PCDHGA2: variants seen among roughly 807,000 people sequenced by gnomAD.
The protein encoded by PCDHGA2 is protocadherin gamma-A2.
A neutral mutation model predicts 59.2 loss-of-function variants in PCDHGA2; 40 were observed. The observed-to-expected ratio is 0.68, with a 90% CI of 0.52 to 0.88. PCDHGA2 has a LOEUF of 0.88. PCDHGA2 is among the 40% of genes least tolerant of loss of function. PCDHGA2 has a pLI of 0.00. For synonymous variants in PCDHGA2, 560 were observed against 526.0 expected (o/e 1.06, Z -0.89); for missense variants, 1,226 against 1,204.0 (o/e 1.02, Z -0.27).
intron 1 of PCDHGA2, chr5:141,409,189 C>T (rs1216028242): frequency 6.2e-7 from 1 of 1,613,918 alleles, no homozygotes; most frequent in Admixed American, 1.7e-5. Flanking sequence ...GTCTCTCTAC[C>T]CAGTGTAAAG....
intron 1 of PCDHGA2, chr5:141,394,156 AC>A (rs2092929687): frequency 6.2e-7 from 1 of 1,613,556 alleles, no homozygotes; most frequent in Admixed American, 1.7e-5. Flanking sequence ...ATTAACGACA[AC>A]CCTCCTACTT....
chr5:141,344,748 C>T (rs1004554278), intron 1 of PCDHGA2: 2 of 1,613,884 alleles, frequency 1.2e-6, no homozygotes, highest in African/African-American at 2.7e-5. Context: ...AAATGACAAC[C>T]CACCAATGTT....
At chr5:141,374,378 A>ACCCCCC (rs1425489237) in intron 1 of PCDHGA2, 1 of 1,614,038 alleles carries the variant, frequency 6.2e-7, no homozygotes, top group Admixed American at 1.7e-5. Context: ...CTGTGCTCAG[A>ACCCCCC]GCCCGCGGTG....
Position 141,432,072 on chromosome 5 carries a change from T to C in PCDHGA2, c.2425-62735T>C, listed in dbSNP as rs1236871982. The C allele has an allele frequency of 6.2e-7, 1 of 1,614,178 alleles. No homozygotes were observed. The highest frequency in any genetic ancestry group is 8.5e-7 in the Non-Finnish European group (1 of 1,180,032). On this transcript the variant is annotated intron_variant, in intron 1 of 3. Coordinates refer to ENST00000394576, the MANE Select transcript of PCDHGA2 (RefSeq NM_018915.4). This position sits in a 1 kb window ranked among gnomAD's most constrained non-coding sequence, Gnocchi z 6.0. ...CCGCCCCTATCCACGGAAACTCATA[T>C]CTCGCTGAACGTGGCAGACACCAAC...
intron 1 of PCDHGA2, among the ~76,000 whole-genome samples, chr5:141,460,804 T>C (rs2098998238): frequency 1.3e-5 from 2 of 152,020 alleles, no homozygotes; most frequent in African/African-American, 4.8e-5. Flanking sequence ...AGTATATATA[T>C]GTATGTATAC....
chr5:141,374,125 C>A, intron 1 of PCDHGA2: 1 of 1,602,448 alleles, frequency 6.2e-7, no homozygotes, highest in East Asian at 2.2e-5. Flanking sequence ...GCGAGCAGGT[C>A]CTGCTCCTCA....
intron 1 of PCDHGA2, among the ~76,000 whole-genome samples, chr5:141,488,541 T>C (rs2099676694): frequency 6.6e-6 from 1 of 152,184 alleles, no homozygotes; most frequent in South Asian, 2.1e-4. Flanking sequence ...CTAAGTCCCA[T>C]GTCAGCTGAC....
rs2099402935 is a variant in PCDHGA2, at chr5:141,476,991, G to A, written c.2425-17816G>A. On this transcript the variant is annotated intron_variant, in intron 1 of 3. Transcript: ENST00000394576. The surrounding 1 kb of genome is among the most constrained non-coding windows in gnomAD (Gnocchi z 7.6). ...GGCAGCCACAACCGCGCCGGCGTGC[G>A]GCAACTATTCGCCTTAGACCTTGTA... 4 of 1,614,094 alleles carry A rather than the reference G, an allele frequency of 2.5e-6. No homozygotes were observed. Among genetic ancestry groups the A allele is most frequent in the Non-Finnish European group, 3.4e-6 (4 of 1,180,056 alleles).
At chr5:141,394,094 A>C (rs759909698) in intron 1 of PCDHGA2, 5 of 1,613,934 alleles carry the variant, frequency 3.1e-6, no homozygotes, top group Non-Finnish European at 3.4e-6. Flanking sequence ...CCTCAGATCT[A>C]GGAACACCAC....
Position 141,431,583 on chromosome 5 carries a change from C to A in PCDHGA2, c.2425-63224C>A, listed in dbSNP as rs771534481. On this transcript the variant is annotated intron_variant, in intron 1 of 3. Transcript: ENST00000394576. The surrounding 1 kb of genome is among the most constrained non-coding windows in gnomAD (Gnocchi z 4.8). ...ACCGACCCTGACGAAGGAGTCAATGCGGAAGTGAGGTATTCCTTCCGGTAT... is the reference window on the plus strand; with the variant it reads ...ACCGACCCTGACGAAGGAGTCAATGAGGAAGTGAGGTATTCCTTCCGGTAT... The A allele has an allele frequency of 1.1e-5, 18 of 1,614,008 alleles. No individual in the cohort carries two copies. In the South Asian group the frequency reaches 1.2e-4, roughly 11 times the overall value.
At chr5:141,404,882 G>T (rs1380203392) in intron 1 of PCDHGA2, 3 of 1,613,772 alleles carry the variant, frequency 1.9e-6, no homozygotes, top group Non-Finnish European at 2.5e-6. Context: ...GAGCCTTGTG[G>T]TGGCTGTACA....
chr5:141,478,315 A>G, intron 1 of PCDHGA2: 1 of 1,613,998 alleles, frequency 6.2e-7, no homozygotes, highest in Non-Finnish European at 8.5e-7. Flanking sequence ...CGGTGAGCTC[A>G]CTGTACCGAA....
At chr5:141,360,109 G>T (rs1218338018) in intron 1 of PCDHGA2, 3 of 1,561,508 alleles carry the variant, frequency 1.9e-6, no homozygotes, top group African/African-American at 2.7e-5. Context: ...TTCCTCCTAT[G>T]GGCAAAGGAG....
intron 1 of PCDHGA2, chr5:141,424,522 T>C (rs2096826398): frequency 6.6e-6 from 1 of 152,212 alleles, no homozygotes; most frequent in South Asian, 2.1e-4. Flanking sequence ...ATGTAGTAAA[T>C]CCATATATAG....
chr5:141,370,443 C>T, intron 1 of PCDHGA2: 1 of 1,607,126 alleles, frequency 6.2e-7, no homozygotes, highest in South Asian at 1.1e-5. Flanking sequence ...GAGGCGAATG[C>T]TATTTCTCTT....
rs1418882413 is a variant in PCDHGA2 at position 141,339,850 on chromosome 5, G to A, written c.879G>A (p.Glu293=). The change falls in exon 1 of 4, where the codon GAG becomes GAA. Residue 293 remains glutamate (E), a synonymous_variant. Transcript: ENST00000394576. ...CTGGAGAAACCTCAGAGGTATTTGA[G>A]CTTAAGTCAACATCTGGAGAACTGA... The part of the protein sequence containing the change: ...KSPGETSEVF[E]LKSTSGELTI... The A allele has an allele frequency of 6.2e-7, 1 of 1,614,100 alleles. No individual in the cohort carries two copies. The highest frequency in any genetic ancestry group is 1.1e-5 in the South Asian group (1 of 91,076).
At chr5:141,344,341 T>C in intron 1 of PCDHGA2, 1 of 1,613,984 alleles carries the variant, frequency 6.2e-7, no homozygotes, top group Non-Finnish European at 8.5e-7. Context: ...CCGCTGTGTC[T>C]GGTAAAAATT....
intron 1 of PCDHGA2, chr5:141,409,865 C>A: frequency 6.2e-7 from 1 of 1,612,574 alleles, no homozygotes; most frequent in Non-Finnish European, 8.5e-7. Flanking sequence ...GGTGGGAGAC[C>A]GCAATGACAA....
At position 141,493,412 on chromosome 5, in the gene PCDHGA2, G is replaced by A. The variant is rs1288041038; in HGVS notation, c.2425-1395G>A. Among the ~76,000 whole-genome samples, 3 of 152,114 alleles carry A rather than the reference G, an allele frequency of 2.0e-5. No individual in the cohort carries two copies. The highest frequency in any genetic ancestry group is 4.4e-5 in the Non-Finnish European group (3 of 68,024). On this transcript the variant is annotated intron_variant, in intron 1 of 3. Coordinates refer to ENST00000394576, the MANE Select transcript of PCDHGA2 (RefSeq NM_018915.4). This position sits in a 1 kb window ranked among gnomAD's most constrained non-coding sequence, Gnocchi z 4.3. ...CAGGAGAGGGGAGTTGCCTCTGCTG[G>A]GATTTTGCTTCTGCTGGGATGGGGC...
Sources: allele counts gnomAD v4.1 joint callset (sites outside exome capture counted in the v4.1 genomes callset), GRCh38; gene constraint gnomAD v4.1.1; non-coding constraint Gnocchi (gnomAD v3.1); transcripts MANE v1.5; gene names NCBI Gene and HGNC (gene_info 2026-07-23, HGNC 2026-07-21).